Variants in PDZD2 observed in about 807,000 individuals in gnomAD.
The protein encoded by PDZD2 is PDZ domain containing 2.
In PDZD2, 90 loss-of-function variants were observed where a neutral mutation model predicts 220.7. The observed-to-expected ratio is 0.41, with a 90% CI of 0.34 to 0.49. The LOEUF is 0.49. PDZD2 is among the 20% of genes least tolerant of loss of function. The probability of loss-of-function intolerance (pLI) is 0.28; values close to 1 mark genes in which losing one functional copy is unlikely to be tolerated. For synonymous variants in PDZD2, 1,375 were observed against 1,450.5 expected, an observed-to-expected ratio of 0.95 and a Z score of 1.18; for missense variants, 3,174 against 3,608.5, an observed-to-expected ratio of 0.88 and a Z score of 3.08.
At chr5:31,798,729 G>A (rs375268863) in intron 1 of PDZD2, among the ~76,000 whole-genome samples, 160 bp from the exon 2 acceptor site, 2 of 152,196 alleles carry the variant, frequency 1.3e-5, no homozygotes, top group East Asian at 3.9e-4. Context: ...CAGCATGGAG[G>A]TAGCCACACG....
intron 6 of PDZD2, among the ~76,000 whole-genome samples, chr5:32,026,715 A>G (rs1048495171): frequency 6.6e-6 from 1 of 152,128 alleles, no homozygotes; most frequent in East Asian, 1.9e-4. Flanking sequence ...AATCCAAAGA[A>G]TAGCTCCAGA....
intron 1 of PDZD2, among the ~76,000 whole-genome samples, chr5:31,796,516 A>G (rs578082082): frequency 1.3e-5 from 2 of 152,266 alleles, no homozygotes; most frequent in Non-Finnish European, 2.9e-5. Flanking sequence ...GCCACAGGGT[A>G]GAAACTAGGA....
chr5:31,795,651 T>G (rs1000513931), intron 1 of PDZD2, among the ~76,000 whole-genome samples: 13 of 152,326 alleles, frequency 8.5e-5, no homozygotes, highest in African/African-American at 3.1e-4. Context: ...CTTCCCTGAG[T>G]CAATGTTTTG....
intron 2 of PDZD2, among the ~76,000 whole-genome samples, chr5:31,859,274 CCTT>C (rs1737462069): frequency 6.6e-6 from 1 of 152,164 alleles, no homozygotes; most frequent in South Asian, 2.1e-4. Context: ...GTCAATTAAA[CCTT>C]CTCTATTGCA....
intron 2 of PDZD2, among the ~76,000 whole-genome samples, chr5:31,864,195 C>T (rs552208254): frequency 3.3e-4 from 50 of 152,290 alleles, no homozygotes; most frequent in Admixed American, 6.5e-4. Flanking sequence ...TTCTTCTAAG[C>T]GCTTGAGGCA....
At chr5:32,028,599 A>T (rs983969107) in intron 6 of PDZD2, among the ~76,000 whole-genome samples, 4 of 151,830 alleles carry the variant, frequency 2.6e-5, no homozygotes, top group Non-Finnish European at 5.9e-5. Context: ...TTTTGTGTTT[A>T]AAAAAAACCA....
chr5:31,793,360 G>A (rs1018026223), intron 1 of PDZD2, among the ~76,000 whole-genome samples: 3 of 152,032 alleles, frequency 2.0e-5, no homozygotes, highest in East Asian at 1.9e-4. Flanking sequence ...TTTCATCCTC[G>A]GGCAGCCAGG....
intron 2 of PDZD2, among the ~76,000 whole-genome samples, chr5:31,948,902 C>G (rs1435741698): frequency 6.6e-6 from 1 of 151,874 alleles, no homozygotes; most frequent in Non-Finnish European, 1.5e-5. Flanking sequence ...AGTTGAAGAC[C>G]AGCCTGGCCA....
At chr5:32,077,834 T>G (rs946333169) in intron 19 of PDZD2, 12 of 427,754 alleles carry the variant, frequency 2.8e-5, no homozygotes, top group Non-Finnish European at 3.5e-5. Context: ...GTGCGCACCT[T>G]TAATCCCAGC....
chr5:31,854,157 T>C (rs931309426), intron 2 of PDZD2, among the ~76,000 whole-genome samples: 1 of 152,144 alleles, frequency 6.6e-6, no homozygotes, highest in Non-Finnish European at 1.5e-5. Flanking sequence ...AAGCAAACAC[T>C]CTTTTCCTGT....
chr5:32,011,028 ACAAC>A (rs1753275863), intron 6 of PDZD2, among the ~76,000 whole-genome samples: 13 of 147,128 alleles, frequency 8.8e-5, no homozygotes, highest in African/African-American at 3.4e-4. Context: ...AAAAACAACA[ACAAC>A]AACAACAACT....
intron 1 of PDZD2, among the ~76,000 whole-genome samples, chr5:31,680,929 C>G (rs969912882): frequency 6.6e-6 from 1 of 152,048 alleles, no homozygotes; most frequent in Non-Finnish European, 1.5e-5. Flanking sequence ...ACGGCCTTGC[C>G]CCTCGGACAA....
chr5:32,058,512 TAAA>T (rs68030122), intron 12 of PDZD2, among the ~76,000 whole-genome samples: 4 of 148,574 alleles, frequency 2.7e-5, no homozygotes, highest in Non-Finnish European at 4.4e-5. Flanking sequence ...CTACTAAAAA[TAAA>T]AAAAAAAAAT....
intron 7 of PDZD2, among the ~76,000 whole-genome samples, chr5:32,045,950 A>G (rs1297139893): frequency 6.6e-6 from 1 of 152,184 alleles, no homozygotes; most frequent in Non-Finnish European, 1.5e-5. Context: ...CAAAACTTTC[A>G]GAGTAATATT....
chr5:31,790,799 T>C (rs1005384501), intron 1 of PDZD2, among the ~76,000 whole-genome samples: 12 of 148,586 alleles, frequency 8.1e-5, no homozygotes, highest in South Asian at 6.6e-4. Flanking sequence ...CCTGGGTTCA[T>C]GCCATTCTCC....
intron 1 of PDZD2, among the ~76,000 whole-genome samples, chr5:31,691,836 G>A (rs534305533): frequency 3.9e-5 from 6 of 152,350 alleles, no homozygotes; most frequent in Non-Finnish European, 7.3e-5. Flanking sequence ...GCTGATTGGT[G>A]TGTTTACAAA....
intron 2 of PDZD2, among the ~76,000 whole-genome samples, chr5:31,921,017 A>G (rs1279373240): frequency 6.6e-6 from 1 of 152,158 alleles, no homozygotes; most frequent in African/African-American, 2.4e-5. Flanking sequence ...TCACTTACTC[A>G]AGGACATCTT....
At chr5:31,999,336 G>A (rs1197830742) in intron 4 of PDZD2, among the ~76,000 whole-genome samples, 1 of 150,700 alleles carries the variant, frequency 6.6e-6, no homozygotes, top group African/African-American at 2.4e-5. Context: ...AAGCTTGGCT[G>A]GAGAGACTCA....
intron 2 of PDZD2, among the ~76,000 whole-genome samples, chr5:31,851,291 G>C (rs542964090): frequency 2.6e-5 from 4 of 152,126 alleles, no homozygotes; most frequent in Middle Eastern, 3.2e-3. Flanking sequence ...TAGGGAGAAG[G>C]GGGGCACTTC....
Sources: allele counts gnomAD v4.1 joint callset (sites outside exome capture counted in the v4.1 genomes callset), GRCh38; gene constraint gnomAD v4.1.1; transcripts MANE v1.5; gene names NCBI Gene and HGNC (gene_info 2026-07-23, HGNC 2026-07-21).